Variants in SCAF8 observed in about 807,000 individuals in gnomAD.
SCAF8 encodes SR-related and CTD-associated factor 8.
SCAF8 carries 23 observed loss-of-function variants against 140.5 expected under a neutral mutation model. The observed-to-expected ratio is 0.16, with a 90% confidence interval of 0.12 to 0.23. SCAF8 has a LOEUF of 0.23. Among genes scored for constraint, SCAF8 ranks in the 10% least tolerant of loss-of-function variants. The pLI, the probability that SCAF8 is intolerant of heterozygous loss-of-function variation, is 1.00. For synonymous variants in SCAF8, 575 were observed against 528.9 expected, an observed-to-expected ratio of 1.09 and a Z score of -1.20; for missense variants, 1,397 against 1,555.7, an observed-to-expected ratio of 0.90 and a Z score of 1.72.
chr6:154,746,729 T>C (rs543501495), intron 1 of SCAF8, among the ~76,000 whole-genome samples: 2 of 152,260 alleles, frequency 1.3e-5, no homozygotes, highest in Non-Finnish European at 2.9e-5. Flanking sequence ...GTTAAAATAC[T>C]ATGTACAAAC....
intron 3 of SCAF8, among the ~76,000 whole-genome samples, chr6:154,781,173 G>C (rs1777073859): frequency 6.6e-6 from 1 of 152,046 alleles, no homozygotes; most frequent in African/African-American, 2.4e-5. Context: ...AAAATCACAA[G>C]CATTCCTATA....
At chr6:154,733,384 C>A, upstream of SCAF8, 1 of 1,339,476 alleles carries the variant, frequency 7.5e-7, no homozygotes, top group Non-Finnish European at 9.6e-7. Flanking sequence ...CGCCGCGGAT[C>A]CCCGAACTGC....
At chr6:154,830,336 G>A (rs148587986) in intron 18 of SCAF8, among the ~76,000 whole-genome samples, 1 of 152,254 alleles carries the variant, frequency 6.6e-6, no homozygotes, top group Non-Finnish European at 1.5e-5. Context: ...TTTTAATTGT[G>A]TAATTATTTT....
intron 1 of SCAF8, among the ~76,000 whole-genome samples, chr6:154,756,443 AT>A (rs533796727): frequency 2.6e-5 from 4 of 152,104 alleles, no homozygotes; most frequent in African/African-American, 4.8e-5. Flanking sequence ...TTTAAATGTT[AT>A]TTTTTGTTTT....
chr6:154,759,752 G>A (rs1018009968), intron 1 of SCAF8, among the ~76,000 whole-genome samples: 8 of 148,178 alleles, frequency 5.4e-5, no homozygotes, highest in Non-Finnish European at 1.5e-5. Flanking sequence ...TGCAGGCTCC[G>A]CCTCCCAGGT....
intron 8 of SCAF8, among the ~76,000 whole-genome samples, chr6:154,804,795 A>G (rs1777866698): frequency 1.3e-5 from 2 of 152,166 alleles, no homozygotes; most frequent in South Asian, 4.1e-4. Context: ...GGCACCCAGA[A>G]TCCCAGGTGT....
intron 6 of SCAF8, 82 bp downstream of exon 6, chr6:154,795,221 A>G (rs1194174281): frequency 8.4e-7 from 1 of 1,186,974 alleles, no homozygotes; most frequent in East Asian, 2.9e-5. Context: ...TACCACCTAG[A>G]GAATATGTGC....
intron 11 of SCAF8, among the ~76,000 whole-genome samples, chr6:154,809,401 C>G (rs569268730): frequency 6.6e-6 from 1 of 152,164 alleles, no homozygotes; most frequent in African/African-American, 2.4e-5. Flanking sequence ...TTATATTTAT[C>G]TATTGCAAAT....
intron 1 of SCAF8, among the ~76,000 whole-genome samples, chr6:154,736,748 A>AT (rs530833311): frequency 9.2e-5 from 14 of 152,178 alleles, no homozygotes; most frequent in African/African-American, 3.1e-4. Flanking sequence ...CTGTTTTCTC[A>AT]TTTTACAGGA....
chr6:154,781,446 A>G (rs1777082721), intron 3 of SCAF8, among the ~76,000 whole-genome samples: 2 of 152,220 alleles, frequency 1.3e-5, no homozygotes, highest in Admixed American at 1.3e-4. Context: ...TGGTATTCCC[A>G]TAAACTACCA....
chr6:154,813,954 A>G (rs1778172253), intron 12 of SCAF8, among the ~76,000 whole-genome samples: 1 of 152,236 alleles, frequency 6.6e-6, no homozygotes, highest in Admixed American at 6.5e-5. Flanking sequence ...GGGAATGCGT[A>G]CCTGCTGACC....
intron 19 of SCAF8, among the ~76,000 whole-genome samples, chr6:154,831,603 A>G (rs1778736127): frequency 6.7e-6 from 1 of 148,710 alleles, no homozygotes; most frequent in Non-Finnish European, 1.5e-5. Flanking sequence ...ATTATGGTTT[A>G]GAGGCACTTG....
chr6:154,819,377 A>G (rs1778349066), intron 14 of SCAF8, among the ~76,000 whole-genome samples: 1 of 152,112 alleles, frequency 6.6e-6, no homozygotes, highest in African/African-American at 2.4e-5. Context: ...ACTTAAGCCC[A>G]GGAGTGTCTT....
intron 6 of SCAF8, among the ~76,000 whole-genome samples, chr6:154,796,357 CTCTCTCT>C (rs1562450819): frequency 6.2e-5 from 7 of 113,356 alleles, no homozygotes; most frequent in South Asian, 3.5e-4. Context: ...ATCCTGTTCT[CTCTCTCT>C]CTCTCTCTCT....
chr6:154,773,187 A>C (rs1350203535), intron 1 of SCAF8, among the ~76,000 whole-genome samples: 2 of 152,188 alleles, frequency 1.3e-5, no homozygotes, highest in Admixed American at 1.3e-4. Context: ...TCATCATCCC[A>C]ACAAGAAACA....
intron 1 of SCAF8, among the ~76,000 whole-genome samples, chr6:154,742,935 A>G (rs1400874307): frequency 6.8e-6 from 1 of 146,862 alleles, no homozygotes; most frequent in African/African-American, 2.5e-5. Context: ...TTTAATGAAC[A>G]TGTATCGCGG....
Position 154,814,391 on chromosome 6 carries a change from A to G in SCAF8, c.1421-1325A>G, listed in dbSNP as rs184897270. On this transcript the variant is annotated intron_variant, in intron 12 of 19. Coordinates refer to ENST00000367178, the MANE Select transcript of SCAF8 (RefSeq NM_014892.5). ...TGGTTGAAGATTAAATTGAATATGC[A>G]TAGGGTAAGACTTACAGGAGATAAA... 1.7e-3 allele frequency among the ~76,000 whole-genome samples: 259 copies of G among 152,352 alleles called. 5 individuals carry two copies. The South Asian group carries it at 0.017, about 10-fold the overall frequency.
In SCAF8 at chr6:154,741,846, GA is replaced by G; in HGVS notation, c.30+7918del. On this transcript the variant is annotated intron_variant, in intron 1 of 19. Coordinates refer to ENST00000367178, the MANE Select transcript of SCAF8 (RefSeq NM_014892.5). ...ACTTCTAACTCATAATGGTGTGAAA[GA>G]ATGTAATCAACCTTGACCTTGAACA... 1.3e-5 allele frequency: 9 copies of G among 672,858 alleles called. No homozygotes were observed. In the South Asian group the frequency reaches 1.5e-4, roughly 11 times the overall value. 41.7% of individuals were successfully genotyped at this position (672,858 alleles called of 1,614,324 possible).
rs1177510185 is a variant in SCAF8, at chr6:154,832,312, A to C, written c.2733A>C (p.Leu911Phe). 1 of 1,613,934 alleles carries C rather than the reference A, an allele frequency of 6.2e-7. No homozygotes were observed. ...CTGGACCTCAAAACTTACCCCCTTT[A>C]AGTATCCCTAATCAAAGGATGCCCA... ...PPAGPQNLPP[L>F]SIPNQRMPTM... Residue 911 changes from leucine to phenylalanine, a missense_variant, in exon 20 of 20, where the codon TTA (leucine) becomes TTC (phenylalanine). Physicochemically the swap from Leu to Phe is conservative, Grantham distance 22 (BLOSUM62 0). Transcript: ENST00000367178.
Sources: gnomAD v4.1 joint callset for allele counts (sites outside exome capture counted in the v4.1 genomes callset) on GRCh38, gnomAD v4.1.1 for gene constraint, MANE v1.5 for transcripts, NCBI Gene and HGNC (gene_info 2026-07-23, HGNC 2026-07-21) for gene names.